Variants in AIFM1 observed in about 807,000 individuals in gnomAD.
AIFM1 encodes apoptosis inducing factor mitochondria associated 1.
A neutral mutation model predicts 51.7 loss-of-function variants in AIFM1; 3 were observed. The ratio of observed to expected loss-of-function variants is 0.06; its 90% confidence interval spans 0.03 to 0.15. The LOEUF is 0.15. Among genes scored for constraint, AIFM1 ranks in the 10% least tolerant of loss-of-function variants. The probability of loss-of-function intolerance (pLI) is 1.00; values close to 1 mark genes in which losing one functional copy is unlikely to be tolerated. For synonymous variants in AIFM1, 178 were observed against 179.4 expected, an observed-to-expected ratio of 0.99 and a Z score of 0.06; for missense variants, 330 against 476.8, an observed-to-expected ratio of 0.69 and a Z score of 2.87.
At chrX:130,160,591 A>T (rs1304969705) in intron 1 of AIFM1, among the ~76,000 whole-genome samples, 3 of 111,693 alleles carry the variant, frequency 2.7e-5, no homozygotes, top group East Asian at 2.8e-4. Flanking sequence ...TACTATTAAA[A>T]TTTTTTTTAA....
rs1878089773 is a variant in AIFM1 at position 130,147,753 on chromosome X, C to T, written c.473G>A (p.Arg158Lys). 8.3e-7 allele frequency: 1 copy of T among 1,210,557 alleles called. No homozygotes were observed. The highest frequency in any genetic ancestry group is 1.1e-6 in the Non-Finnish European group (1 of 895,453). Residue 158 changes from arginine to lysine, a missense_variant and splice_region_variant, in exon 4 of 16, where the codon AGG (arginine) becomes AAG (lysine). By Grantham distance (26) the Arg-to-Lys change is conservative. Around this residue, in one of 4 missense-constraint regions of AIFM1, gnomAD observed 152 missense variants for 292.8 expected, o/e 0.52. Transcript: ENST00000287295. ...RSIRARDPGA[R>K]VLIVSEDPEL... ...CAAGCAAAAAAACATGCACCTTACC[C>T]TGGCCCCAGGATCCCGAGCCCGGAT...
intron 1 of AIFM1, among the ~76,000 whole-genome samples, chrX:130,165,077 TTC>T (rs1329161303): frequency 9.1e-6 from 1 of 110,076 alleles, no homozygotes; most frequent in Non-Finnish European, 1.9e-5. Flanking sequence ...CCTGCACCGT[TTC>T]TGTTTCACTG....
At chrX:130,145,410 C>T (rs920302131) in intron 6 of AIFM1, 69 bp downstream of exon 6, 6 of 807,971 alleles carry the variant, frequency 7.4e-6, no homozygotes, top group Non-Finnish European at 1.1e-5. Flanking sequence ...GTAATGGAAA[C>T]ACACATCACC....
chrX:130,138,265 A>T (rs1038847509), intron 9 of AIFM1, among the ~76,000 whole-genome samples: 6 of 110,837 alleles, frequency 5.4e-5, no homozygotes, highest in Admixed American at 1.9e-4. Context: ...GGAGATCGAG[A>T]CAGTCCTGGC....
At chrX:130,138,373 G>C (rs929568092) in intron 9 of AIFM1, among the ~76,000 whole-genome samples, 1 of 111,214 alleles carries the variant, frequency 9.0e-6, no homozygotes, top group African/African-American at 3.3e-5. Context: ...GCTGAGGCAG[G>C]AGAATGGCCT....
chrX:130,160,259 C>T (rs924420900), intron 1 of AIFM1, among the ~76,000 whole-genome samples: 3 of 111,836 alleles, frequency 2.7e-5, no homozygotes, highest in South Asian at 3.7e-4. Flanking sequence ...CCTTTCTCCC[C>T]ATAGCTTCAA....
At chrX:130,147,666 T>A in intron 4 of AIFM1, 43 bp from the exon 5 acceptor site, 1 of 1,211,624 alleles carries the variant, frequency 8.3e-7, no homozygotes, top group South Asian at 1.8e-5. Context: ...GCCAAGTCAT[T>A]TAAGGGGCAA....
intron 12 of AIFM1, among the ~76,000 whole-genome samples, chrX:130,134,435 T>TA (rs2124649816): frequency 1.8e-5 from 2 of 110,981 alleles, no homozygotes; most frequent in Admixed American, 1.9e-4. Flanking sequence ...AATGTTTTCT[T>TA]AGATTTCTTT....
intron 2 of AIFM1, among the ~76,000 whole-genome samples, chrX:130,154,000 C>T (rs1180347318): frequency 8.9e-6 from 1 of 112,245 alleles, no homozygotes; most frequent in African/African-American, 3.2e-5. Flanking sequence ...AGACTAATAC[C>T]AATTTCGGAC....
In AIFM1 at chrX:130,147,546, G is replaced by A. The variant is rs762588571; in HGVS notation, c.552C>T (p.Asp184=). The A allele has an allele frequency of 2.1e-5, 26 of 1,210,338 alleles. No individual in the cohort carries two copies. In the South Asian group the frequency reaches 4.4e-4, roughly 20 times the overall value. ...PLSKELWFSD[D]PNVTKTLRFK... is the part of the protein sequence containing the mutation. ...ATCGCAGTGTCTTTGTGACATTTGG[G>A]TCATCTGAAAACCACAGTTCTTTTG... The change falls in exon 5 of 16, where the codon GAC becomes GAT. Residue 184 remains aspartate (D), a synonymous_variant. Coordinates refer to ENST00000287295, the MANE Select transcript of AIFM1 (RefSeq NM_004208.4).
chrX:130,163,613 A>G (rs1011775497), intron 1 of AIFM1, among the ~76,000 whole-genome samples: 1 of 112,241 alleles, frequency 8.9e-6, no homozygotes, highest in African/African-American at 3.2e-5. Context: ...ATATGTCAGG[A>G]AGTCCGAATA....
chrX:130,142,795 G>A (rs1489081771), intron 6 of AIFM1, among the ~76,000 whole-genome samples: 1 of 110,846 alleles, frequency 9.0e-6, no homozygotes, highest in African/African-American at 3.3e-5. Flanking sequence ...ACAGGTGTGC[G>A]CCACCACACC....
At chrX:130,137,346 G>C (rs188923962) in intron 9 of AIFM1, 161 bp from the exon 10 acceptor site, 11 of 1,156,779 alleles carry the variant, frequency 9.5e-6, no homozygotes, top group Non-Finnish European at 1.3e-5. Flanking sequence ...TGAGGGCCTC[G>C]GTGCTCAAGT....
chrX:130,165,274 G>A (rs995508274), intron 1 of AIFM1, among the ~76,000 whole-genome samples: 2 of 109,843 alleles, frequency 1.8e-5, no homozygotes, highest in Non-Finnish European at 3.8e-5. Flanking sequence ...CCGGGGAGGC[G>A]CCGACAGCCA....
At chrX:130,135,878 G>A (rs772634527) in intron 12 of AIFM1, among the ~76,000 whole-genome samples, 167 bp downstream of exon 12, 11 of 111,743 alleles carry the variant, frequency 9.8e-5, no homozygotes, top group African/African-American at 3.3e-4. Context: ...GGCCATACCT[G>A]GTCTTCTGAA....
chrX:130,136,770 G>C (rs764891580), intron 10 of AIFM1, 39 bp from the exon 11 acceptor site: 2 of 1,164,820 alleles, frequency 1.7e-6, no homozygotes, highest in Non-Finnish European at 2.3e-6. Context: ...AGCCTACAAG[G>C]CTATCACTTT....
intron 2 of AIFM1, among the ~76,000 whole-genome samples, chrX:130,154,405 T>C (rs1263554811): frequency 8.9e-6 from 1 of 112,382 alleles, no homozygotes; most frequent in Non-Finnish European, 1.9e-5. Context: ...TTTAAATCTA[T>C]TTTTGAATGA....
rs759067777 is a variant in AIFM1, at chrX:130,133,532, G to T, written c.1306-77C>A. ...GTTAAAGACAAAATATAAACTTTGG[G>T]GGCTCAAAGAACACTTGTAATGGTA... is the stretch of plus-strand genomic sequence containing the variant. On this transcript the variant is annotated intron_variant, in intron 12 of 15. Coordinates refer to ENST00000287295, the MANE Select transcript of AIFM1 (RefSeq NM_004208.4). 6 of 1,131,800 alleles carry T rather than the reference G, an allele frequency of 5.3e-6. No homozygotes were observed. The Admixed American group carries it at 9.0e-5, about 17-fold the overall frequency. 93.3% of individuals were successfully genotyped at this position (1,131,800 alleles called of 1,213,427 possible).
intron 2 of AIFM1, among the ~76,000 whole-genome samples, chrX:130,153,579 G>A (rs2031070760): frequency 9.0e-6 from 1 of 111,287 alleles, no homozygotes; most frequent in African/African-American, 3.3e-5. Flanking sequence ...CTATGTGATG[G>A]TATTTGGCAA....
Sources: allele counts gnomAD v4.1 joint callset (sites outside exome capture counted in the v4.1 genomes callset), GRCh38; gene constraint gnomAD v4.1.1; regional missense constraint gnomAD v4.1.1; transcripts MANE v1.5; gene names NCBI Gene and HGNC (gene_info 2026-07-23, HGNC 2026-07-21).